PLXNA4: variants seen among roughly 807,000 people sequenced by gnomAD.
PLXNA4 encodes the protein plexin-A4.
In PLXNA4, 44 loss-of-function variants were observed where a neutral mutation model predicts 191.8. That is an observed-to-expected ratio of 0.23 (90% CI 0.18 to 0.29). PLXNA4 has a LOEUF of 0.29. Ranked by LOEUF, PLXNA4 falls within the 10% of genes least tolerant of loss-of-function variation. The pLI, the probability that PLXNA4 is intolerant of heterozygous loss-of-function variation, is 1.00. For synonymous variants in PLXNA4, 1,082 were observed against 1,009.5 expected (o/e 1.07, Z -1.36); for missense variants, 1,800 against 2,488.8 (o/e 0.72, Z 5.89).
Position 132,564,543 on chromosome 7 carries a change from C to T in PLXNA4, c.-87+11879G>A, listed in dbSNP as rs559549215. On this transcript the variant is annotated intron_variant, in intron 1 of 31. Coordinates refer to ENST00000321063, the MANE Select transcript of PLXNA4 (RefSeq NM_020911.2). ...ACACATTGCATGTAAATTCTCTATT[C>T]CCACGTATGTTGTGGCCACACTAAG... is the stretch of plus-strand genomic sequence containing the variant. Among the ~76,000 whole-genome samples, 4 of 152,238 alleles carry T rather than the reference C, an allele frequency of 2.6e-5. No homozygotes were observed. The East Asian group carries it at 7.7e-4, about 29-fold the overall frequency.
chr7:132,354,868 C>A (rs1400355377), intron 3 of PLXNA4, among the ~76,000 whole-genome samples: 2 of 152,212 alleles, frequency 1.3e-5, no homozygotes, highest in Non-Finnish European at 2.9e-5. Context: ...CCCTTTTCAG[C>A]ATGAGCATAA....
Position 132,616,226 on chromosome 7 carries a change from G to A in PLXNA4, c.-87+29702C>T, listed in dbSNP as rs117811048. Among the ~76,000 whole-genome samples the A allele has an allele frequency of 1.9e-4, 29 of 152,200 alleles. No individual in the cohort carries two copies. The East Asian group carries it at 4.6e-3, about 24-fold the overall frequency. The stretch of plus-strand genomic sequence containing the variant: ...AGTTTAAAAAGCACGTTGCCTCTTC[G>A]CAGTGCTTCTGCATTTGCTGGCTGC... On this transcript the variant is annotated intron_variant, in intron 2 of 4. Transcript: ENST00000378539.
chr7:132,458,553 A>C (rs1440898469), intron 3 of PLXNA4, among the ~76,000 whole-genome samples: 1 of 151,648 alleles, frequency 6.6e-6, no homozygotes, highest in Non-Finnish European at 1.5e-5. Context: ...AGAGCAAAAG[A>C]AAGGAGACAC....
chr7:132,227,697 G>T, intron 6 of PLXNA4, 93 bp from the exon 7 acceptor site: 4 of 1,497,090 alleles, frequency 2.7e-6, no homozygotes, highest in Non-Finnish European at 3.7e-6. Context: ...GAGTGAGAGA[G>T]ATCACAGGGA....
chr7:132,153,632 G>T (rs1254887996), intron 25 of PLXNA4, among the ~76,000 whole-genome samples: 1 of 152,120 alleles, frequency 6.6e-6, no homozygotes, highest in Non-Finnish European at 1.5e-5. Context: ...CTGAGGCATA[G>T]ATAGGAAAGA....
intron 4 of PLXNA4, among the ~76,000 whole-genome samples, chr7:132,281,440 G>T (rs1353154925): frequency 6.6e-6 from 1 of 152,110 alleles, no homozygotes; most frequent in Non-Finnish European, 1.5e-5. Context: ...TAACAAAGGG[G>T]TCAAAATTCT....
intron 3 of PLXNA4, among the ~76,000 whole-genome samples, chr7:132,358,750 G>A (rs767773756): frequency 1.3e-5 from 2 of 152,194 alleles, no homozygotes; most frequent in Non-Finnish European, 2.9e-5. Context: ...GTCAAGTTCT[G>A]TGAAGAAAAG....
At chr7:132,473,937 C>T (rs141380553) in intron 3 of PLXNA4, among the ~76,000 whole-genome samples, 207 of 151,872 alleles carry the variant, frequency 1.4e-3, no homozygotes, top group African/African-American at 4.6e-3. Context: ...ACAGCATGAA[C>T]ATTATTGTGG....
intron 22 of PLXNA4, 115 bp from the exon 23 acceptor site, chr7:132,165,315 A>G: frequency 5.6e-6 from 8 of 1,426,492 alleles, no homozygotes; most frequent in Non-Finnish European, 7.4e-6. Flanking sequence ...TGCTGCTTCT[A>G]GCGTTTAGGC....
chr7:132,437,562 A>G (rs1311613369), intron 3 of PLXNA4, among the ~76,000 whole-genome samples: 9 of 47,222 alleles, frequency 1.9e-4, no homozygotes, highest in Admixed American at 7.1e-4. Flanking sequence ...CATCTGAGGA[A>G]AAAAAAGAAA....
chr7:132,253,921 T>C (rs1254056863), intron 4 of PLXNA4, among the ~76,000 whole-genome samples: 2 of 152,194 alleles, frequency 1.3e-5, no homozygotes, highest in African/African-American at 4.8e-5. Flanking sequence ...CAGTTTAGTT[T>C]CCATGTGGAG....
At position 132,174,788 on chromosome 7, in the gene PLXNA4, C is replaced by G. The variant is rs745683440; in HGVS notation, c.4007G>C (p.Arg1336Pro). Reference protein sequence around the residue: ...FPGIEDHPVLRDLEVPGYRQE... With the variant: ...FPGIEDHPVLPDLEVPGYRQE... ...AGCACTGCTTCTCACCTCAAGGTCC[C>G]GGAGGACAGGGTGGTCTTCAATTCC... Residue 1336 changes from arginine to proline, a missense_variant, in exon 21 of 32, where the codon CGG (arginine) becomes CCG (proline). This residue lies in a region of PLXNA4 where 1,397 missense variants were observed against 1,880.4 expected (regional missense o/e 0.74). Coordinates refer to ENST00000321063, the MANE Select transcript of PLXNA4 (RefSeq NM_020911.2). 1.2e-6 allele frequency: 2 copies of G among 1,614,056 alleles called. No homozygotes were observed. The highest frequency in any genetic ancestry group is 8.5e-7 in the Non-Finnish European group (1 of 1,179,900).
intron 15 of PLXNA4, 66 bp from the exon 16 acceptor site, chr7:132,185,529 G>C (rs1041225641): frequency 2.6e-6 from 4 of 1,545,846 alleles, no homozygotes; most frequent in Non-Finnish European, 3.5e-6. Flanking sequence ...CTGAGTCAAG[G>C]CCCTCCCACA....
At chr7:132,623,761 T>C (rs964421514) in intron 2 of PLXNA4, among the ~76,000 whole-genome samples, 15 of 152,086 alleles carry the variant, frequency 9.9e-5, no homozygotes, top group Non-Finnish European at 1.9e-4. Flanking sequence ...AGGTGACCCA[T>C]CCAAAAGTCT....
intron 12 of PLXNA4, 135 bp downstream of exon 12, chr7:132,202,511 C>T (rs1797471963): frequency 2.2e-6 from 2 of 924,284 alleles, no homozygotes; most frequent in African/African-American, 3.4e-5. Context: ...GGGTGCCATC[C>T]AGCCAGGCAG....
chr7:132,145,250 G>A lies in PLXNA4; in HGVS notation c.5094C>T (p.Thr1698=). The part of the protein sequence containing the change: ...LQKFVDDLFE[T]IFSTAHRGSA... ...AGCCACGGTGTGCCGTGCTGAAGAT[G>A]GTCTCAAAGAGGTCATCCACAAACT... Residue 1698 remains threonine, a synonymous_variant, in exon 29 of 32, where the codon ACC becomes ACT. Coordinates refer to ENST00000321063, the MANE Select transcript of PLXNA4 (RefSeq NM_020911.2). 2 of 1,614,184 alleles carry A rather than the reference G, an allele frequency of 1.2e-6. No homozygotes were observed. Among genetic ancestry groups the A allele is most frequent in the Non-Finnish European group, 8.5e-7 (1 of 1,180,028 alleles).
upstream of PLXNA4, among the ~76,000 whole-genome samples, chr7:132,581,039 A>G (rs1441219917): frequency 6.6e-6 from 1 of 152,190 alleles, no homozygotes; most frequent in Admixed American, 6.5e-5. Flanking sequence ...TGTCCACAGC[A>G]CACTCCAGCA....
intron 26 of PLXNA4, 66 bp downstream of exon 26, chr7:132,148,477 G>C (rs569495473): frequency 8.1e-5 from 129 of 1,600,982 alleles, no homozygotes; most frequent in Admixed American, 3.4e-5. Context: ...GTTATTCCAG[G>C]GCAATGATTT....
intron 3 of PLXNA4, among the ~76,000 whole-genome samples, chr7:132,313,107 C>T (rs750085646): frequency 2.0e-5 from 3 of 152,186 alleles, no homozygotes; most frequent in Non-Finnish European, 4.4e-5. Context: ...GTCCTGAGCT[C>T]CAACCTCCCT....
Sources: gnomAD v4.1 joint callset for allele counts (sites outside exome capture counted in the v4.1 genomes callset) on GRCh38, gnomAD v4.1.1 for gene constraint, gnomAD v4.1.1 regional missense constraint, MANE v1.5 for transcripts, NCBI Gene and HGNC (gene_info 2026-07-23, HGNC 2026-07-21) for gene names.